TMEM255B: variants seen among roughly 807,000 people sequenced by gnomAD.
TMEM255B encodes the protein transmembrane protein 255B.
Under a neutral mutation model 34.5 loss-of-function variants are expected in TMEM255B, and 35 were observed. The ratio of observed to expected loss-of-function variants is 1.01; its 90% CI spans 0.77 to 1.34. TMEM255B has a LOEUF of 1.34. Ranked by LOEUF, TMEM255B falls within the 40% of genes most tolerant of loss-of-function variation. The pLI is 0.00. For synonymous variants in TMEM255B, 206 were observed against 201.2 expected (o/e 1.02, Z -0.20); for missense variants, 432 against 433.2 (o/e 1.00, Z 0.02).
At chr13:113,761,630 C>T (rs372518936) in intron 1 of TMEM255B, among the ~76,000 whole-genome samples, 44 of 152,284 alleles carry the variant, frequency 2.9e-4, no homozygotes, top group African/African-American at 9.4e-4. Flanking sequence ...TAAGAATAGC[C>T]GCTACGCCGT....
At chr13:113,787,609 G>A (rs2050766004) in intron 3 of TMEM255B, among the ~76,000 whole-genome samples, 1 of 152,228 alleles carries the variant, frequency 6.6e-6, no homozygotes, top group African/African-American at 2.4e-5. Context: ...GTGCAGGTCA[G>A]ACGTGAAGAA....
At chr13:113,801,253 C>A (rs1256857314) in intron 6 of TMEM255B, among the ~76,000 whole-genome samples, 1 of 152,218 alleles carries the variant, frequency 6.6e-6, no homozygotes, top group South Asian at 2.1e-4. Context: ...GTGTGTCGGG[C>A]GAGAGTTTAA....
intron 5 of TMEM255B, 169 bp downstream of exon 5, chr13:113,799,588 C>G: frequency 3.1e-6 from 2 of 651,998 alleles, no homozygotes; most frequent in Non-Finnish European, 5.5e-6. Context: ...GGGACCTTGA[C>G]ATTTCGATGT....
At position 113,771,299 on chromosome 13, in the gene TMEM255B, A is replaced by G. The variant is rs114590039; in HGVS notation, c.252+2139A>G. Reference sequence around the variant, plus strand: ...TTGTGTGTGGAGGCAGTAACGTGTTATGTGCGGTCTCTGTGTCTGGTGTCT... The same window carrying G: ...TTGTGTGTGGAGGCAGTAACGTGTTGTGTGCGGTCTCTGTGTCTGGTGTCT... On this transcript the variant is annotated intron_variant, in intron 3 of 8. Transcript: ENST00000375353. Among the ~76,000 whole-genome samples the G allele has an allele frequency of 3.6e-3, 544 of 152,254 alleles. 1 individual carries two copies. Among genetic ancestry groups the G allele is most frequent in the African/African-American group, 0.013 (530 of 41,534 alleles).
chr13:113,798,476 GA>G (rs1280386188), intron 4 of TMEM255B, among the ~76,000 whole-genome samples: 84 of 151,682 alleles, frequency 5.5e-4, no homozygotes, highest in African/African-American at 2.0e-3. Context: ...ATGGATGATG[GA>G]TGGATGGTTG....
At chr13:113,804,153 G>A (rs2051119430) in intron 7 of TMEM255B, among the ~76,000 whole-genome samples, 1 of 152,248 alleles carries the variant, frequency 6.6e-6, no homozygotes, top group South Asian at 2.1e-4. Flanking sequence ...TGAAGCTTGT[G>A]TGAGCCATGG....
intron 4 of TMEM255B, 99 bp from the exon 5 acceptor site, chr13:113,799,240 G>T: frequency 8.8e-7 from 1 of 1,135,298 alleles, no homozygotes; most frequent in Non-Finnish European, 1.3e-6. Flanking sequence ...CTTGGTCCTT[G>T]AGGCCCTGAG....
intron 3 of TMEM255B, among the ~76,000 whole-genome samples, chr13:113,790,824 G>A (rs1470948933): frequency 1.7e-5 from 2 of 116,372 alleles, no homozygotes; most frequent in Non-Finnish European, 3.9e-5. Context: ...CTGGACACAT[G>A]GATATCCTAG....
At chr13:113,797,064 C>T (rs538613305) in intron 4 of TMEM255B, among the ~76,000 whole-genome samples, 2 of 152,340 alleles carry the variant, frequency 1.3e-5, no homozygotes, top group South Asian at 2.1e-4. Flanking sequence ...GTGCTCCAGG[C>T]GCCCGTGGCC....
chr13:113,805,145 G>C, intron 8 of TMEM255B, 117 bp downstream of exon 8: 1 of 1,244,568 alleles, frequency 8.0e-7, no homozygotes, highest in Non-Finnish European at 1.1e-6. Context: ...TTCTGGATTA[G>C]GGATGGGAGG....
At chr13:113,794,247 G>A (rs1364233193) in intron 3 of TMEM255B, among the ~76,000 whole-genome samples, 2 of 152,218 alleles carry the variant, frequency 1.3e-5, no homozygotes, top group East Asian at 1.9e-4. Context: ...CACTCTGCTC[G>A]GTCGGCTCTG....
At chr13:113,808,053 A>G (rs1032353161) in intron 8 of TMEM255B, among the ~76,000 whole-genome samples, 1 of 152,202 alleles carries the variant, frequency 6.6e-6, no homozygotes, top group Non-Finnish European at 1.5e-5. Context: ...CACGCTGATA[A>G]TTGGATTTCA....
intron 3 of TMEM255B, among the ~76,000 whole-genome samples, chr13:113,783,306 C>T (rs1201883156): frequency 3.3e-5 from 5 of 152,260 alleles, no homozygotes; most frequent in African/African-American, 1.2e-4. Flanking sequence ...GCCAGTGTCT[C>T]CCTGTTGGTA....
At chr13:113,794,043 C>T (rs1324734219) in intron 3 of TMEM255B, among the ~76,000 whole-genome samples, 3 of 152,160 alleles carry the variant, frequency 2.0e-5, no homozygotes, top group South Asian at 2.1e-4. Context: ...CTTTGGGTTG[C>T]GGGTGACGAT....
At chr13:113,779,188 C>T in intron 3 of TMEM255B, among the ~76,000 whole-genome samples, 1 of 152,248 alleles carries the variant, frequency 6.6e-6, no homozygotes, top group Non-Finnish European at 1.5e-5. Flanking sequence ...TGATATTAGA[C>T]ATTAGGTTGA....
intron 3 of TMEM255B, among the ~76,000 whole-genome samples, chr13:113,783,507 A>C (rs1309494197): frequency 1.3e-5 from 2 of 152,216 alleles, no homozygotes; most frequent in African/African-American, 4.8e-5. Flanking sequence ...ATGTGCAGGA[A>C]TTCCCTGTGA....
intron 3 of TMEM255B, among the ~76,000 whole-genome samples, chr13:113,778,832 A>T (rs906313922): frequency 6.6e-6 from 1 of 152,256 alleles, no homozygotes; most frequent in Non-Finnish European, 1.5e-5. Context: ...CCACTGACCC[A>T]TAGAGAAACT....
At chr13:113,789,286 C>T (rs1472473873) in intron 3 of TMEM255B, among the ~76,000 whole-genome samples, 1 of 152,174 alleles carries the variant, frequency 6.6e-6, no homozygotes, top group Non-Finnish European at 1.5e-5. Context: ...ATCTTCACAG[C>T]CTTCAGTCCA....
chr13:113,789,088 C>T (rs988504223), intron 3 of TMEM255B, among the ~76,000 whole-genome samples: 2 of 152,054 alleles, frequency 1.3e-5, no homozygotes, highest in African/African-American at 2.4e-5. Flanking sequence ...GGTAGCTGCA[C>T]CCGGGCCACT....
Sources: allele counts gnomAD v4.1 joint callset (sites outside exome capture counted in the v4.1 genomes callset), GRCh38; gene constraint gnomAD v4.1.1; transcripts MANE v1.5; gene names NCBI Gene and HGNC (gene_info 2026-07-23, HGNC 2026-07-21).